POLR2F: variants seen among roughly 807,000 people sequenced by gnomAD.
POLR2F encodes RNA polymerase II, I and III subunit F, also known as DNA-directed RNA polymerases I, II, and III subunit RPABC2.
POLR2F carries 12 observed loss-of-function variants against 22.7 expected under a neutral mutation model. The ratio of observed to expected loss-of-function variants is 0.53; its 90% confidence interval spans 0.34 to 0.86. POLR2F has a LOEUF of 0.86. POLR2F is among the 40% of genes least tolerant of loss of function. The pLI, the probability that POLR2F is intolerant of heterozygous loss-of-function variation, is 0.02. For missense variants in POLR2F, 126 were observed against 171.5 expected, an observed-to-expected ratio of 0.73 and a Z score of 1.48; for synonymous variants, 57 against 66.0, an observed-to-expected ratio of 0.86 and a Z score of 0.66.
chr22:38,036,596 G>A (rs998419121), intron 5 of POLR2F, among the ~76,000 whole-genome samples: 4 of 151,004 alleles, frequency 2.6e-5, no homozygotes, highest in African/African-American at 9.8e-5. Context: ...GTGGGCAACC[G>A]GGGAGGAGTG....
At chr22:37,989,982 C>T (rs899151954) in intron 1 of POLR2F, among the ~76,000 whole-genome samples, 2 of 152,218 alleles carry the variant, frequency 1.3e-5, no homozygotes, top group Admixed American at 1.3e-4. Context: ...TTCCCTATGA[C>T]TTTCCCTCAG....
At chr22:37,976,585 G>A (rs1932227650) in intron 4 of POLR2F, among the ~76,000 whole-genome samples, 2 of 152,170 alleles carry the variant, frequency 1.3e-5, no homozygotes, top group South Asian at 4.1e-4. Context: ...TGTACATTAG[G>A]AACACAGGCA....
intron 5 of POLR2F, among the ~76,000 whole-genome samples, chr22:38,037,169 G>A (rs936789907): frequency 3.9e-5 from 6 of 152,228 alleles, no homozygotes; most frequent in Non-Finnish European, 7.3e-5. Context: ...TAGCCCCAGA[G>A]CTGGGCACAT....
Position 38,031,749 on chromosome 22 carries a change from C to A in POLR2F, c.453-9319C>A, listed in dbSNP as rs1220759689. 6.6e-6 allele frequency among the ~76,000 whole-genome samples: 1 copy of A among 152,196 alleles called. No homozygotes were observed. Among genetic ancestry groups the A allele is most frequent in the Non-Finnish European group, 1.5e-5 (1 of 68,030 alleles). ...CATGTCTCAAACCCGCGTCACCATG[C>A]TGCCCCCAGACCAACCCCTCCCCGC... On this transcript the variant is annotated intron_variant, in intron 5 of 5. Coordinates refer to the POLR2F transcript ENST00000407936. The surrounding 1 kb of genome is among the most constrained non-coding windows in gnomAD (Gnocchi z 4.1).
chr22:37,986,463 T>C lies in POLR2F; in HGVS notation c.120+151T>C. Reference sequence around the variant, plus strand: ...AAGAGCCCAGAGTTAGGAGGTGGAATGTGGGGTCCCACAGCTGCCCCCTCT... The same window carrying C: ...AAGAGCCCAGAGTTAGGAGGTGGAACGTGGGGTCCCACAGCTGCCCCCTCT... On this transcript the variant is annotated intron_variant, in intron 1 of 2. Coordinates refer to the POLR2F transcript ENST00000333418. The surrounding 1 kb of genome is among the most constrained non-coding windows in gnomAD (Gnocchi z 4.7). 1 of 1,497,134 alleles carries C rather than the reference T, an allele frequency of 6.7e-7. No individual in the cohort carries two copies. The highest frequency in any genetic ancestry group is 9.0e-7 in the Non-Finnish European group (1 of 1,112,808). The allele number at this position is 1,497,134 out of a possible 1,614,324, so 92.7% of individuals were successfully genotyped here. A position where few individuals can be genotyped will look rare whatever the true frequency, so the allele number is the denominator to read the frequency against.
downstream of POLR2F, among the ~76,000 whole-genome samples, chr22:38,027,290 G>A (rs149662229): frequency 7.2e-4 from 109 of 152,274 alleles, no homozygotes; most frequent in East Asian, 0.019. Flanking sequence ...AGGAAAGCAC[G>A]CTGAGTTCGT....
chr22:38,000,547 C>T (rs1330967627), intron 1 of POLR2F, among the ~76,000 whole-genome samples: 2 of 152,184 alleles, frequency 1.3e-5, no homozygotes, highest in East Asian at 3.8e-4. Context: ...GCTTTGGGCC[C>T]CTCGAGATGG....
chr22:38,027,301 GTTC>G (rs2085022272), downstream of POLR2F, among the ~76,000 whole-genome samples: 2 of 152,164 alleles, frequency 1.3e-5, no homozygotes, highest in Admixed American at 1.3e-4. Flanking sequence ...CTGAGTTCGT[GTTC>G]TTCTCACAGG....
chr22:38,013,550 T>A (rs1175941734), intron 1 of POLR2F, among the ~76,000 whole-genome samples: 1 of 152,234 alleles, frequency 6.6e-6, no homozygotes, highest in Non-Finnish European at 1.5e-5. Context: ...GTCTCAGAAT[T>A]CCTAACTTAT....
Position 37,953,742 on chromosome 22 carries a change from TCCG to T in POLR2F, c.-44_-42del, listed in dbSNP as rs1279473866. The T allele has an allele frequency of 2.5e-6, 4 of 1,596,138 alleles. No individual in the cohort carries two copies. In the East Asian group the frequency reaches 9.0e-5, roughly 36 times the overall value. On this transcript the variant is annotated 5_prime_UTR_variant, in exon 1 of 5. Coordinates refer to ENST00000442738, the MANE Select transcript of POLR2F (RefSeq NM_021974.5). ...GTCGTAGTGTCGCTGTTTGCGGGTCTCCGCGCGGGACCGGGGCGCAGCGGGGTC... is the reference window on the plus strand; with the variant it reads ...GTCGTAGTGTCGCTGTTTGCGGGTCTCGCGGGACCGGGGCGCAGCGGGGTC...
At chr22:37,967,259 G>A (rs1305186869) in intron 4 of POLR2F, 89 bp downstream of exon 4, 2 of 1,590,320 alleles carry the variant, frequency 1.3e-6, no homozygotes. Flanking sequence ...CCACTTGCCT[G>A]GCTGGAGAAG....
chr22:37,959,527 C>G (rs780300173), intron 3 of POLR2F, 51 bp downstream of exon 3: 2 of 1,586,356 alleles, frequency 1.3e-6, no homozygotes, highest in Non-Finnish European at 8.6e-7. Flanking sequence ...CCACAGTAAG[C>G]TCTTGTACCG....
At chr22:37,987,650 C>G in intron 1 of POLR2F, 1 of 298,530 alleles carries the variant, frequency 3.3e-6, no homozygotes, top group Non-Finnish European at 6.6e-6. Flanking sequence ...AGGCTCTGCC[C>G]CAGCCTCAGT....
intron 3 of POLR2F, among the ~76,000 whole-genome samples, chr22:37,961,610 T>G (rs1931643570): frequency 6.6e-6 from 1 of 152,164 alleles, no homozygotes; most frequent in African/African-American, 2.4e-5. Flanking sequence ...GGCCTTCAGA[T>G]GCCTGCTAAG....
intron 1 of POLR2F, among the ~76,000 whole-genome samples, chr22:38,003,118 G>A (rs1336170809): frequency 6.6e-6 from 1 of 152,134 alleles, no homozygotes. Context: ...GAGATACTTG[G>A]CATGCAAGAT....
At chr22:37,959,302 A>G (rs1931527506) in intron 2 of POLR2F, 44 bp from the exon 3 acceptor site, 1 of 1,605,738 alleles carries the variant, frequency 6.2e-7, no homozygotes. Flanking sequence ...TGTAACCCAA[A>G]AGTGCCACCT....
downstream of POLR2F, chr22:37,974,176 G>A (rs756722042): frequency 5.0e-6 from 8 of 1,605,816 alleles, no homozygotes; most frequent in Admixed American, 3.3e-5. The surrounding 1 kb of genome is among the most constrained non-coding windows in gnomAD (Gnocchi z 5.4). Context: ...TGGTTGGAGG[G>A]GTGGGTGGGC....
At chr22:37,971,882 G>C (rs985883198), downstream of POLR2F, among the ~76,000 whole-genome samples, 1 of 152,020 alleles carries the variant, frequency 6.6e-6, no homozygotes, top group Non-Finnish European at 1.5e-5. Flanking sequence ...CCAGTTAAGA[G>C]TGAGTGGCCC....
At position 37,968,526 on chromosome 22, in the gene POLR2F, C is replaced by T; in HGVS notation, c.*811C>T. ...TGGTGCTCCTGGGTTCCAGGTGTTA[C>T]ATTAAGTCAGAGCTGGAGTTCCCCC... On this transcript the variant is annotated 3_prime_UTR_variant, in exon 5 of 5. Coordinates refer to ENST00000442738, the MANE Select transcript of POLR2F (RefSeq NM_021974.5). The T allele has an allele frequency of 2.0e-6, 2 of 985,736 alleles. No homozygotes were observed. Among genetic ancestry groups the T allele is most frequent in the Non-Finnish European group, 2.4e-6 (2 of 830,200 alleles). The allele number at this position is 985,736 out of a possible 1,614,324, so 61.1% of individuals were successfully genotyped here.
Sources: allele counts gnomAD v4.1 joint callset (sites outside exome capture counted in the v4.1 genomes callset), GRCh38; gene constraint gnomAD v4.1.1; non-coding constraint Gnocchi (gnomAD v3.1); transcripts MANE v1.5; gene names NCBI Gene and HGNC (gene_info 2026-07-23, HGNC 2026-07-21).